The following RLN2 variants were observed in gnomAD, a reference collection of about 807,000 sequenced individuals.
RLN2 encodes prorelaxin H2.
In RLN2, 10 loss-of-function variants were observed where a neutral mutation model predicts 7.3. That is an observed-to-expected ratio of 1.36 (90% confidence interval 0.84 to 2.31). The LOEUF is 2.31. Ranked by LOEUF, RLN2 falls within the 30% of genes most tolerant of loss-of-function variation. RLN2 has a pLI of 0.00. For missense variants in RLN2, 298 were observed against 217.6 expected (o/e 1.37, Z -2.32); for synonymous variants, 103 against 82.3 (o/e 1.25, Z -1.36).
At chr9:5,324,795 T>C in the RLN2 span, among the ~76,000 whole-genome samples, 1 of 152,110 alleles carries the variant, frequency 6.6e-6, no homozygotes, top group African/African-American at 2.4e-5. Context: ...GTAATAAGCA[T>C]GGAATAAGTA....
chr9:5,335,740 T>C, the RLN2 span: 2 of 620,192 alleles, frequency 3.2e-6, no homozygotes, highest in South Asian at 4.2e-5. Context: ...AGCATCCTAA[T>C]ATCTAAACAC....
chr9:5,333,436 A>G, the RLN2 span, among the ~76,000 whole-genome samples: 3 of 152,062 alleles, frequency 2.0e-5, no homozygotes, highest in African/African-American at 7.3e-5. Flanking sequence ...AAATGGGTAC[A>G]TTCCTGGACA....
At chr9:5,328,325 A>G in the RLN2 span, among the ~76,000 whole-genome samples, 2 of 152,090 alleles carry the variant, frequency 1.3e-5, no homozygotes, top group African/African-American at 4.8e-5. Flanking sequence ...ATTGAAGATC[A>G]AATTAATGAA....
chr9:5,307,990 A>T (rs1309085462), upstream of RLN2, among the ~76,000 whole-genome samples: 36 of 151,928 alleles, frequency 2.4e-4, no homozygotes, highest in Non-Finnish European at 5.9e-5. Flanking sequence ...CAGGCAACTC[A>T]TACCTGATCC....
chr9:5,318,010 G>GTGTGTA, the RLN2 span, among the ~76,000 whole-genome samples: 1 of 150,934 alleles, frequency 6.6e-6, no homozygotes, highest in African/African-American at 2.4e-5. Context: ...GTGTGTGCGT[G>GTGTGTA]TGTGTGTGTG....
chr9:5,331,115 C>G, the RLN2 span, among the ~76,000 whole-genome samples: 1 of 151,844 alleles, frequency 6.6e-6, no homozygotes, highest in Non-Finnish European at 1.5e-5. Flanking sequence ...AATAGCCTAC[C>G]GACCAAAAAA....
At chr9:5,326,651 T>C in the RLN2 span, among the ~76,000 whole-genome samples, 4 of 152,022 alleles carry the variant, frequency 2.6e-5, no homozygotes, top group Non-Finnish European at 4.4e-5. Context: ...CTCCACCTGA[T>C]TTATGTCAAA....
the RLN2 span, among the ~76,000 whole-genome samples, chr9:5,323,945 G>T: frequency 2.0e-5 from 3 of 151,938 alleles, no homozygotes; most frequent in African/African-American, 7.3e-5. Context: ...CTACCCAGGA[G>T]GCTGAGGAAG....
chr9:5,305,402 C>CACACACACAG (rs397829533), upstream of RLN2, among the ~76,000 whole-genome samples: 1,896 of 111,998 alleles, frequency 0.017, 31 homozygotes, highest in Middle Eastern at 0.027. Context: ...CACACACACA[C>CACACACACAG]AGAGAGAGAG....
chr9:5,301,201 T>C (rs964930120), intron 1 of RLN2, among the ~76,000 whole-genome samples: 7 of 152,234 alleles, frequency 4.6e-5, no homozygotes, highest in African/African-American at 1.7e-4. Context: ...CTGCAGATCA[T>C]GCACTATGCA....
chr9:5,318,041 CAGTT>C, the RLN2 span, among the ~76,000 whole-genome samples: 4 of 77,882 alleles, frequency 5.1e-5, no homozygotes, highest in Non-Finnish European at 7.8e-5. Context: ...TGTATACACA[CAGTT>C]AGAAATAGTA....
At chr9:5,330,725 A>C in the RLN2 span, among the ~76,000 whole-genome samples, 1 of 150,936 alleles carries the variant, frequency 6.6e-6, no homozygotes, top group South Asian at 2.1e-4. Flanking sequence ...AGAAGGCAAG[A>C]AATAACTAAG....
chr9:5,331,934 G>C, the RLN2 span, among the ~76,000 whole-genome samples: 1 of 151,794 alleles, frequency 6.6e-6, no homozygotes, highest in Non-Finnish European at 1.5e-5. Flanking sequence ...TCCCATTCTA[G>C]AAATGTATAT....
chr9:5,337,540 T>A, the RLN2 span, among the ~76,000 whole-genome samples: 1 of 151,992 alleles, frequency 6.6e-6, no homozygotes, highest in East Asian at 1.9e-4. Flanking sequence ...CAGTGAATAT[T>A]ACTTTGGCAC....
the RLN2 span, among the ~76,000 whole-genome samples, chr9:5,315,095 A>C: frequency 6.6e-6 from 1 of 151,982 alleles, no homozygotes; most frequent in Non-Finnish European, 1.5e-5. Context: ...ACACCAATAA[A>C]AGACAAGGTG....
the RLN2 span, chr9:5,311,773 A>AT: frequency 5.1e-5 from 38 of 748,252 alleles, no homozygotes; most frequent in Non-Finnish European, 7.0e-5. Context: ...TTGAAATATG[A>AT]TTTTTTTATC....
the RLN2 span, among the ~76,000 whole-genome samples, chr9:5,314,842 T>C: frequency 6.6e-6 from 1 of 152,028 alleles, no homozygotes; most frequent in Non-Finnish European, 1.5e-5. Context: ...ATCCCCACCA[T>C]GCAGTCCCTC....
chr9:5,309,671 G>C (rs905738339), upstream of RLN2, among the ~76,000 whole-genome samples: 1 of 151,996 alleles, frequency 6.6e-6, no homozygotes, highest in African/African-American at 2.4e-5. Flanking sequence ...GCCCATCCCA[G>C]TTCCTCTACA....
the RLN2 span, among the ~76,000 whole-genome samples, chr9:5,321,010 C>T: frequency 1.3e-5 from 2 of 152,086 alleles, no homozygotes; most frequent in Admixed American, 1.3e-4. Flanking sequence ...TGATTCTCAT[C>T]TTAAAATTAT....
Sources: gnomAD v4.1 joint callset for allele counts (sites outside exome capture counted in the v4.1 genomes callset) on GRCh38, gnomAD v4.1.1 for gene constraint, MANE v1.5 for transcripts, NCBI Gene and HGNC (gene_info 2026-07-23, HGNC 2026-07-21) for gene names.